Variants in XYLT1 observed in about 807,000 individuals in gnomAD.
The protein encoded by XYLT1 is beta-D-xylosyltransferase 1.
XYLT1 carries 36 observed loss-of-function variants against 91.3 expected under a neutral mutation model. The ratio of observed to expected loss-of-function variants is 0.39; its 90% confidence interval spans 0.30 to 0.52. The LOEUF (loss-of-function observed/expected upper bound fraction) is 0.52, where lower values mean the gene tolerates loss of function less well. Among genes scored for constraint, XYLT1 ranks in the 20% least tolerant of loss-of-function variants. The pLI, the probability that XYLT1 is intolerant of heterozygous loss-of-function variation, is 0.68. For synonymous variants in XYLT1, 588 were observed against 532.0 expected (o/e 1.11, Z -1.45); for missense variants, 1,242 against 1,284.5 (o/e 0.97, Z 0.51).
intron 1 of XYLT1, among the ~76,000 whole-genome samples, chr16:17,382,812 T>C (rs116802369): frequency 0.02 from 2,988 of 151,914 alleles, 91 homozygotes; most frequent in African/African-American, 0.068. Flanking sequence ...TGCAAGACAC[T>C]TTAGTGCATT....
chr16:17,303,131 G>C (rs1028954740), intron 2 of XYLT1, among the ~76,000 whole-genome samples: 1 of 152,184 alleles, frequency 6.6e-6, no homozygotes, highest in East Asian at 1.9e-4. Context: ...CATGTGCAAA[G>C]AATTGGGCTC....
At chr16:17,440,040 T>C (rs1328589763) in intron 1 of XYLT1, among the ~76,000 whole-genome samples, 3 of 152,210 alleles carry the variant, frequency 2.0e-5, no homozygotes, top group Non-Finnish European at 4.4e-5. Context: ...GATCCTTGGC[T>C]TTTGGGGAAT....
chr16:17,337,484 C>T (rs1256480140), intron 2 of XYLT1, among the ~76,000 whole-genome samples: 1 of 152,110 alleles, frequency 6.6e-6, no homozygotes, highest in Non-Finnish European at 1.5e-5. Context: ...CATGCCCGGC[C>T]TCCTGAGAAC....
chr16:17,259,583 G>A (rs1596453626), intron 2 of XYLT1, 85 bp from the exon 3 acceptor site: 20 of 1,482,962 alleles, frequency 1.3e-5, no homozygotes, highest in East Asian at 4.6e-5. Context: ...TGAGTCATAC[G>A]GACTTGGAAG....
intron 2 of XYLT1, among the ~76,000 whole-genome samples, chr16:17,334,062 G>A (rs2034942790): frequency 1.3e-5 from 2 of 152,232 alleles, no homozygotes; most frequent in African/African-American, 2.4e-5. Flanking sequence ...AGGTCACAGA[G>A]TTCATCCCCT....
At chr16:17,290,239 G>A (rs1260388757) in intron 2 of XYLT1, among the ~76,000 whole-genome samples, 2 of 152,256 alleles carry the variant, frequency 1.3e-5, no homozygotes, top group Non-Finnish European at 2.9e-5. Context: ...GTTAGGGTTA[G>A]TGTCAAACTT....
chr16:17,117,926 A>C lies in XYLT1; in HGVS notation c.2277T>G (p.Leu759=). 6.2e-7 allele frequency: 1 copy of C among 1,613,978 alleles called. No individual in the cohort carries two copies. The highest frequency in any genetic ancestry group is 1.7e-5 in the Admixed American group (1 of 60,008). ...KERLFRNFGG[L]LGPMDEPVGM... is the part of the protein sequence containing the mutation. ...CCACCGGCTCATCCATGGGCCCCAG[A>C]AGACCCCCAAAGTTGCGGAATAGCC... The change falls in exon 11 of 12, where the codon CTT becomes CTG. Residue 759 remains leucine, a synonymous_variant. Coordinates refer to ENST00000261381, the MANE Select transcript of XYLT1 (RefSeq NM_022166.4).
intron 1 of XYLT1, among the ~76,000 whole-genome samples, chr16:17,373,976 T>C (rs778001458): frequency 2.6e-5 from 4 of 152,238 alleles, no homozygotes; most frequent in Non-Finnish European, 5.9e-5. Flanking sequence ...GTGATTTAGT[T>C]AGATTTGTGA....
intron 2 of XYLT1, among the ~76,000 whole-genome samples, chr16:17,305,319 T>C (rs1005540685): frequency 1.3e-5 from 2 of 152,176 alleles, no homozygotes; most frequent in Non-Finnish European, 2.9e-5. Flanking sequence ...AAATGTCCTC[T>C]GGATAAGAGC....
intron 5 of XYLT1, among the ~76,000 whole-genome samples, chr16:17,163,508 G>A (rs911896404): frequency 6.6e-6 from 1 of 152,162 alleles, no homozygotes; most frequent in African/African-American, 2.4e-5. Context: ...CTGGGCTCCC[G>A]GTGCCCACCT....
intron 1 of XYLT1, among the ~76,000 whole-genome samples, chr16:17,389,476 G>A (rs1312668565): frequency 1.3e-5 from 2 of 152,206 alleles, no homozygotes; most frequent in African/African-American, 2.4e-5. Flanking sequence ...AGAGGCAGAA[G>A]GTTGAGAAAG....
intron 1 of XYLT1, among the ~76,000 whole-genome samples, chr16:17,402,736 TTC>T (rs532666300): frequency 0.019 from 2,686 of 144,986 alleles, 78 homozygotes; most frequent in African/African-American, 0.066. Flanking sequence ...ATCCTTTTTT[TTC>T]TTTTCTTTTT....
chr16:17,276,438 A>G (rs1046060552), intron 2 of XYLT1, among the ~76,000 whole-genome samples: 1 of 152,180 alleles, frequency 6.6e-6, no homozygotes, highest in Admixed American at 6.5e-5. Context: ...GCTTTTGGAA[A>G]ATGATTTCTG....
chr16:17,201,594 C>T (rs1597188119), intron 3 of XYLT1, among the ~76,000 whole-genome samples: 1 of 151,616 alleles, frequency 6.6e-6, no homozygotes, highest in African/African-American at 2.4e-5. Context: ...CCTGCCTGAG[C>T]CTCCTGAGTA....
rs531563269 is a variant in XYLT1 at position 17,454,171 on chromosome 16, T to C, written c.363+16263A>G. On this transcript the variant is annotated intron_variant, in intron 1 of 11. Coordinates refer to ENST00000261381, the MANE Select transcript of XYLT1 (RefSeq NM_022166.4). ...TAAATTAATTCCGCTCCTAGGTATA[T>C]ACTCAACAGAAATGTTTGCATATGT... Among the ~76,000 whole-genome samples, 6 of 152,354 alleles carry C rather than the reference T, an allele frequency of 3.9e-5. No individual in the cohort carries two copies. In the East Asian group the frequency reaches 9.7e-4, roughly 25 times the overall value.
At chr16:17,393,092 T>G (rs537932655) in intron 1 of XYLT1, among the ~76,000 whole-genome samples, 5 of 152,236 alleles carry the variant, frequency 3.3e-5, no homozygotes, top group African/African-American at 1.2e-4. Context: ...AAAGCCCTCT[T>G]TGGAAAAAGC....
Position 17,200,507 on chromosome 16 carries a change from T to C in XYLT1, c.1061A>G (p.His354Arg). ...RMFKAIYHKD[H>R]FYYIHVDKRS... ...CTTGTCCACGTGGATGTAGTAGAAG[T>C]GGTCTTTGTGGTAGATGGCCTTGAA... Residue 354 changes from histidine to arginine, a missense_variant, in exon 4 of 12, where the codon CAC becomes CGC. This residue lies in a region of XYLT1 where 294 missense variants were observed against 376.0 expected (regional missense o/e 0.78). Coordinates refer to ENST00000261381, the MANE Select transcript of XYLT1 (RefSeq NM_022166.4). The C allele has an allele frequency of 6.2e-7, 1 of 1,613,922 alleles. No homozygotes were observed. Among genetic ancestry groups the C allele is most frequent in the Non-Finnish European group, 8.5e-7 (1 of 1,179,856 alleles).
intron 5 of XYLT1, among the ~76,000 whole-genome samples, chr16:17,195,367 G>C (rs1243896624): frequency 6.6e-6 from 1 of 152,042 alleles, no homozygotes; most frequent in Non-Finnish European, 1.5e-5. Flanking sequence ...TGAATATTCA[G>C]AGGCCTTTCT....
At chr16:17,349,761 G>GT (rs2035194509) in intron 2 of XYLT1, among the ~76,000 whole-genome samples, 2 of 151,794 alleles carry the variant, frequency 1.3e-5, no homozygotes. Context: ...CTCGCATGCA[G>GT]TATAAATGCT....
Sources: gnomAD v4.1 joint callset for allele counts (sites outside exome capture counted in the v4.1 genomes callset) on GRCh38, gnomAD v4.1.1 for gene constraint, gnomAD v4.1.1 regional missense constraint, MANE v1.5 for transcripts, NCBI Gene and HGNC (gene_info 2026-07-23, HGNC 2026-07-21) for gene names.